PCDHGC3: variants seen among roughly 807,000 people sequenced by gnomAD.
PCDHGC3 encodes protocadherin gamma subfamily C, 3.
A neutral mutation model predicts 59.2 loss-of-function variants in PCDHGC3; 26 were observed. The observed-to-expected ratio is 0.44, with a 90% CI of 0.32 to 0.61. The LOEUF (loss-of-function observed/expected upper bound fraction) is 0.61, where lower values mean the gene tolerates loss of function less well. PCDHGC3 is among the 20% of genes least tolerant of loss of function. PCDHGC3 has a pLI of 0.05. For missense variants in PCDHGC3, 1,080 were observed against 1,221.8 expected, an observed-to-expected ratio of 0.88 and a Z score of 1.73; for synonymous variants, 487 against 519.7, an observed-to-expected ratio of 0.94 and a Z score of 0.86.
intron 1 of PCDHGC3, among the ~76,000 whole-genome samples, chr5:141,488,238 C>G (rs374846692): frequency 6.6e-6 from 1 of 152,154 alleles, no homozygotes; most frequent in African/African-American, 2.4e-5. Context: ...GAACTAGATG[C>G]GGTAAATTGG....
chr5:141,509,572 G>T (rs955898202), intron 3 of PCDHGC3, among the ~76,000 whole-genome samples: 24 of 152,300 alleles, frequency 1.6e-4, no homozygotes, highest in Middle Eastern at 3.4e-3. Context: ...CCTTCACAGT[G>T]CGTACAAATC....
chr5:141,509,132 G>A (rs1261849657), intron 3 of PCDHGC3, among the ~76,000 whole-genome samples: 1 of 152,150 alleles, frequency 6.6e-6, no homozygotes, highest in Admixed American at 6.5e-5. Flanking sequence ...GAGAAAAACC[G>A]AGGCGCATCC....
chr5:141,479,767 C>G (rs2099505975), intron 1 of PCDHGC3: 1 of 152,174 alleles, frequency 6.6e-6, no homozygotes, highest in African/African-American at 2.4e-5. Flanking sequence ...AAATTCATAT[C>G]CTTAGACAGG....
Position 141,505,229 on chromosome 5 carries a change from G to T in PCDHGC3, c.2490-164G>T, listed in dbSNP as rs116169437. 9.5e-4 allele frequency: 809 copies of T among 847,460 alleles called. 6 individuals carry two copies. In the African/African-American group the frequency reaches 0.013, roughly 13 times the overall value. 52.5% of individuals were successfully genotyped at this position (847,460 alleles called of 1,614,324 possible). ...TGAGGGACTGACTTGTGGGATTCTG[G>T]CTTCTGAAGGATTGTAGAAGTGCCT... On this transcript the variant is annotated intron_variant, in intron 2 of 3. Coordinates refer to ENST00000308177, the MANE Select transcript of PCDHGC3 (RefSeq NM_002588.4).
Position 141,487,856 on chromosome 5 carries a change from T to C in PCDHGC3, c.2431-6951T>C. The C allele has an allele frequency of 2.0e-6, 2 of 977,364 alleles. No homozygotes were observed. The highest frequency in any genetic ancestry group is 3.0e-6 in the Non-Finnish European group (2 of 671,858). 60.5% of individuals were successfully genotyped at this position (977,364 alleles called of 1,614,324 possible). A position where few individuals can be genotyped will look rare whatever the true frequency, so the allele number is the denominator to read the frequency against. Reference sequence around the variant, plus strand: ...ATATCTGAGTAAGAAATGAAAGTAATTGGTGATCAAGAGCCAGGCTGTTGT... The same window carrying C: ...ATATCTGAGTAAGAAATGAAAGTAACTGGTGATCAAGAGCCAGGCTGTTGT... On this transcript the variant is annotated intron_variant, in intron 1 of 3. Transcript: ENST00000308177. The surrounding 1 kb of genome is among the most constrained non-coding windows in gnomAD (Gnocchi z 5.0).
Position 141,489,968 on chromosome 5 carries a change from A to G in PCDHGC3, c.2431-4839A>G. 6.2e-7 allele frequency: 1 copy of G among 1,614,146 alleles called. No homozygotes were observed. The highest frequency in any genetic ancestry group is 2.2e-5 in the East Asian group (1 of 44,880). On this transcript the variant is annotated intron_variant, in intron 1 of 3. Coordinates refer to ENST00000308177, the MANE Select transcript of PCDHGC3 (RefSeq NM_002588.4). This position sits in a 1 kb window ranked among gnomAD's most constrained non-coding sequence, Gnocchi z 4.5. Reference sequence around the variant, plus strand: ...ATCAATGATAATGCTCCAACCTTCCAATCCTCAGTTCTACGTGTGGGAATC... The same window carrying G: ...ATCAATGATAATGCTCCAACCTTCCGATCCTCAGTTCTACGTGTGGGAATC...
At position 141,512,114 on chromosome 5, in the gene PCDHGC3, C is replaced by T. The variant is rs2099884080; in HGVS notation, c.*941C>T. ...TAACTAGGCTGGACCCTTCCCACTA[C>T]ATAATAGGGCTCAGCCCAGGCAGCC... On this transcript the variant is annotated 3_prime_UTR_variant, in exon 4 of 4. Coordinates refer to ENST00000308177, the MANE Select transcript of PCDHGC3 (RefSeq NM_002588.4). 2 of 152,696 alleles carry T rather than the reference C, an allele frequency of 1.3e-5. No homozygotes were observed. Among genetic ancestry groups the T allele is most frequent in the African/African-American group, 4.8e-5 (2 of 41,468 alleles). 9.5% of individuals were successfully genotyped at this position (152,696 alleles called of 1,614,324 possible).
At chr5:141,510,358 C>T (rs186470331) in intron 3 of PCDHGC3, among the ~76,000 whole-genome samples, 187 of 144,062 alleles carry the variant, frequency 1.3e-3, no homozygotes, top group African/African-American at 4.6e-3. Context: ...ACTAACGGAA[C>T]TACCGAATCT....
At chr5:141,488,239 G>A (rs576918071) in intron 1 of PCDHGC3, among the ~76,000 whole-genome samples, 3 of 152,222 alleles carry the variant, frequency 2.0e-5, no homozygotes, top group South Asian at 4.1e-4. Context: ...AACTAGATGC[G>A]GTAAATTGGA....
rs768132114 is a variant in PCDHGC3 at position 141,489,845 on chromosome 5, G to A, written c.2431-4962G>A. 5 of 1,614,188 alleles carry A rather than the reference G, an allele frequency of 3.1e-6. No homozygotes were observed. The highest frequency in any genetic ancestry group is 2.2e-5 in the South Asian group (2 of 91,088). On this transcript the variant is annotated intron_variant, in intron 1 of 3. Transcript: ENST00000308177. This position sits in a 1 kb window ranked among gnomAD's most constrained non-coding sequence, Gnocchi z 4.5. ...CTGGTGCTAGAGCAGCAGCTGGATC[G>A]TGAAGCCCAGGCAAGACATCAGCTG...
At chr5:141,502,234 C>T (rs1482411915) in intron 2 of PCDHGC3, among the ~76,000 whole-genome samples, 1 of 152,108 alleles carries the variant, frequency 6.6e-6, no homozygotes, top group Non-Finnish European at 1.5e-5. Flanking sequence ...TCTGTGTGTT[C>T]TTTTATCCTT....
chr5:141,508,091 GCCC>G (rs2099866180), intron 3 of PCDHGC3: 1 of 152,482 alleles, frequency 6.6e-6, no homozygotes, highest in Non-Finnish European at 1.5e-5. Flanking sequence ...TGCTGCCTTG[GCCC>G]TGGGATGGGG....
Position 141,478,046 on chromosome 5 carries a change from C to A in PCDHGC3, c.1930C>A (p.Leu644Ile), listed in dbSNP as rs762982394. The A allele has an allele frequency of 3.7e-6, 6 of 1,614,172 alleles. No individual in the cohort carries two copies. The highest frequency in any genetic ancestry group is 5.1e-6 in the Non-Finnish European group (6 of 1,180,044). Reference sequence around the variant, plus strand: ...AGACACAGATTCACCCAGGCAGACTCTCACGGTCTTGATCAAAGACAATGG... The same window carrying A: ...AGACACAGATTCACCCAGGCAGACTATCACGGTCTTGATCAAAGACAATGG... ...VQDTDSPRQT[L>I]TVLIKDNGEP... is the part of the protein sequence containing the mutation. The change falls in exon 1 of 4, where the codon CTC becomes ATC. Residue 644 changes from leucine to isoleucine, a missense_variant. By Grantham distance (5) the Leu-to-Ile change is conservative. Transcript: ENST00000308177.
chr5:141,510,510 G>A (rs1042950478), intron 3 of PCDHGC3, among the ~76,000 whole-genome samples: 5 of 152,132 alleles, frequency 3.3e-5, no homozygotes, highest in Non-Finnish European at 5.9e-5. Context: ...CTGAGAGCCC[G>A]TGTCACAGCC....
At chr5:141,503,517 T>C (rs6878542) in intron 2 of PCDHGC3, among the ~76,000 whole-genome samples, 77,350 of 150,132 alleles carry the variant, frequency 0.52, 20,504 homozygotes, top group African/African-American at 0.63. Flanking sequence ...GAGAATCACT[T>C]GAACCTGGGA....
chr5:141,503,547 C>T (rs545918096), intron 2 of PCDHGC3, among the ~76,000 whole-genome samples: 22 of 147,734 alleles, frequency 1.5e-4, no homozygotes, highest in African/African-American at 4.8e-4. Flanking sequence ...TGCAGTGAGC[C>T]GAGATCGCGC....
chr5:141,505,243 G>A (rs2099844728), intron 2 of PCDHGC3, 150 bp from the exon 3 acceptor site: 1 of 1,424,622 alleles, frequency 7.0e-7, no homozygotes, highest in Non-Finnish European at 9.4e-7. Flanking sequence ...CTGAAGGATT[G>A]TAGAAGTGCC....
intron 2 of PCDHGC3, among the ~76,000 whole-genome samples, chr5:141,504,443 A>C (rs1043353401): frequency 2.0e-5 from 3 of 152,070 alleles, no homozygotes; most frequent in African/African-American, 4.8e-5. Context: ...CAGTGTGACT[A>C]GTGCCATGTG....
In PCDHGC3 at chr5:141,491,679, T is replaced by G. The variant is rs111288145; in HGVS notation, c.2431-3128T>G. 1 of 1,613,496 alleles carries G rather than the reference T, an allele frequency of 6.2e-7. No individual in the cohort carries two copies. Among genetic ancestry groups the G allele is most frequent in the Non-Finnish European group, 8.5e-7 (1 of 1,179,828 alleles). On this transcript the variant is annotated intron_variant, in intron 1 of 3. Coordinates refer to ENST00000308177, the MANE Select transcript of PCDHGC3 (RefSeq NM_002588.4). The surrounding 1 kb of genome is among the most constrained non-coding windows in gnomAD (Gnocchi z 6.9). ...CTGACGCCATCCGGTCCCGCTCTAA[T>G]ACGCTGCGGGAGCGGAGCCAGGTGA...
Sources: gnomAD v4.1 joint callset for allele counts (sites outside exome capture counted in the v4.1 genomes callset) on GRCh38, gnomAD v4.1.1 for gene constraint, Gnocchi (gnomAD v3.1) non-coding constraint, MANE v1.5 for transcripts, NCBI Gene and HGNC (gene_info 2026-07-23, HGNC 2026-07-21) for gene names.